The following SNX10 variants were observed in gnomAD, a reference collection of about 807,000 sequenced individuals.
The protein encoded by SNX10 is sorting nexin 10.
Under a neutral mutation model 28.5 loss-of-function variants are expected in SNX10, and 25 were observed. That is an observed-to-expected ratio of 0.88 (90% CI 0.64 to 1.22). The LOEUF (loss-of-function observed/expected upper bound fraction) is 1.22, where lower values mean the gene tolerates loss of function less well. SNX10 is among the 50% of genes most tolerant of loss of function. SNX10 has a pLI of 0.00. For missense variants in SNX10, 223 were observed against 242.6 expected, an observed-to-expected ratio of 0.92 and a Z score of 0.54; for synonymous variants, 62 against 81.4, an observed-to-expected ratio of 0.76 and a Z score of 1.28.
chr7:26,293,959 A>G (rs1786018863), intron 1 of SNX10, among the ~76,000 whole-genome samples: 1 of 152,192 alleles, frequency 6.6e-6, no homozygotes, highest in Non-Finnish European at 1.5e-5. Flanking sequence ...CAGCCCTAGG[A>G]TCACTACTTT....
chr7:26,301,369 G>T (rs1402508756), intron 1 of SNX10, among the ~76,000 whole-genome samples: 1 of 152,164 alleles, frequency 6.6e-6, no homozygotes, highest in Non-Finnish European at 1.5e-5. Context: ...AGGAAGATAG[G>T]AAAGGGAAGT....
At chr7:26,294,279 A>G (rs149913014) in intron 1 of SNX10, among the ~76,000 whole-genome samples, 72 of 152,324 alleles carry the variant, frequency 4.7e-4, no homozygotes, top group African/African-American at 1.6e-3. Flanking sequence ...AGGAAGGTAT[A>G]TAGTGTAGTG....
chr7:26,321,851 C>T (rs1787322264), intron 1 of SNX10, among the ~76,000 whole-genome samples: 1 of 152,040 alleles, frequency 6.6e-6, no homozygotes, highest in Non-Finnish European at 1.5e-5. Context: ...TCAAGATATC[C>T]TCTTGAGTCT....
chr7:26,303,131 T>G (rs1389650959), intron 1 of SNX10, among the ~76,000 whole-genome samples: 2 of 152,210 alleles, frequency 1.3e-5, no homozygotes, highest in African/African-American at 2.4e-5. Flanking sequence ...GCAGATCCCC[T>G]AAAGTCTTTG....
chr7:26,330,799 C>A (rs1025680525), intron 1 of SNX10, among the ~76,000 whole-genome samples: 1 of 152,010 alleles, frequency 6.6e-6, no homozygotes, highest in Non-Finnish European at 1.5e-5. Flanking sequence ...GCAGGAGAAT[C>A]GCTCGAGCCC....
chr7:26,346,122 G>A (rs1196176852), intron 1 of SNX10, among the ~76,000 whole-genome samples: 3 of 152,074 alleles, frequency 2.0e-5, no homozygotes, highest in Non-Finnish European at 4.4e-5. Flanking sequence ...CAGCTTCCTC[G>A]CCAATTCACT....
In SNX10 at chr7:26,358,805, G is replaced by GTTTT. The variant is rs35527687; in HGVS notation, c.25-2154_25-2151dup. On this transcript the variant is annotated intron_variant, in intron 2 of 6. Coordinates refer to ENST00000338523, the MANE Select transcript of SNX10 (RefSeq NM_013322.3). ...GAGCATCACTATAGTGTTATCTTGTGTTTTTTTTTTTTTTTTTTTGACCAA... is the reference window on the plus strand; with the variant it reads ...GAGCATCACTATAGTGTTATCTTGTGTTTTTTTTTTTTTTTTTTTTTTTGACCAA... 5.8e-4 allele frequency among the ~76,000 whole-genome samples: 58 copies of GTTTT among 100,086 alleles called. 5 individuals are homozygous for GTTTT. The highest frequency in any genetic ancestry group is 2.6e-3 in the Admixed American group (23 of 8,886). The allele number at this position is 100,086 out of a possible 152,430, so 65.7% of individuals were successfully genotyped here.
At chr7:26,357,186 C>T (rs2128018940) in intron 2 of SNX10, 2 of 234,510 alleles carry the variant, frequency 8.5e-6, no homozygotes, top group Non-Finnish European at 1.7e-5. Context: ...AAGGCAATCC[C>T]AGAGACATTA....
chr7:26,303,486 C>G (rs1196175441), intron 1 of SNX10, among the ~76,000 whole-genome samples: 2 of 152,172 alleles, frequency 1.3e-5, no homozygotes, highest in African/African-American at 4.8e-5. Context: ...CTGATGCAGT[C>G]TTTCAGGCTC....
intron 2 of SNX10, among the ~76,000 whole-genome samples, chr7:26,353,101 A>G (rs1045766246): frequency 1.3e-5 from 2 of 152,174 alleles, no homozygotes; most frequent in Non-Finnish European, 2.9e-5. Flanking sequence ...ATTATAAGTC[A>G]TGTAAAAGGC....
At chr7:26,299,476 G>A (rs915331827) in intron 1 of SNX10, among the ~76,000 whole-genome samples, 1 of 148,416 alleles carries the variant, frequency 6.7e-6, no homozygotes, top group African/African-American at 2.5e-5. Context: ...GAGCCACTGT[G>A]CCTGGCCTCT....
rs1343369293 is a variant in SNX10, at chr7:26,364,814, C to G, written c.212+179C>G. ...TTAAAATTTATCACTTAAATTTCAC[C>G]AACTTTGATGGGTATAGGCCATGAA... On this transcript the variant is annotated intron_variant, in intron 4 of 6. Transcript: ENST00000338523. This position sits in a 1 kb window ranked among gnomAD's most constrained non-coding sequence, Gnocchi z 4.9. Among the ~76,000 whole-genome samples, 2 of 152,008 alleles carry G rather than the reference C, an allele frequency of 1.3e-5. No homozygotes were observed. Among genetic ancestry groups the G allele is most frequent in the African/African-American group, 4.8e-5 (2 of 41,366 alleles).
chr7:26,360,752 G>T lies in SNX10; in HGVS notation c.25-223G>T, dbSNP rs935581663. The T allele has an allele frequency of 5.9e-6, 7 of 1,179,492 alleles. No individual in the cohort carries two copies. In the Middle Eastern group the frequency reaches 9.2e-4, roughly 155 times the overall value. The allele number at this position is 1,179,492 out of a possible 1,614,324, so 73.1% of individuals were successfully genotyped here. The stretch of plus-strand genomic sequence containing the variant: ...ACTATCCAGAAGTGCTCCCACCTCA[G>T]TGTTGCATTATTTTAAAAATTCCAT... On this transcript the variant is annotated intron_variant, in intron 2 of 6. Coordinates refer to ENST00000338523, the MANE Select transcript of SNX10 (RefSeq NM_013322.3).
At chr7:26,337,297 G>A (rs181523082) in intron 1 of SNX10, among the ~76,000 whole-genome samples, 22 of 152,060 alleles carry the variant, frequency 1.4e-4, no homozygotes, top group African/African-American at 4.6e-4. Flanking sequence ...TTTTTCACAT[G>A]GTCTACACCA....
At chr7:26,357,443 C>A (rs1424780345) in intron 2 of SNX10, among the ~76,000 whole-genome samples, 1 of 151,510 alleles carries the variant, frequency 6.6e-6, no homozygotes, top group African/African-American at 2.4e-5. Context: ...TATGCTTAGC[C>A]TTTGAAGATA....
intron 1 of SNX10, among the ~76,000 whole-genome samples, chr7:26,309,176 A>G (rs1172413701): frequency 6.6e-6 from 1 of 151,980 alleles, no homozygotes; most frequent in Non-Finnish European, 1.5e-5. Context: ...TGCCTGTCCT[A>G]ATGCGAGCAT....
intron 1 of SNX10, among the ~76,000 whole-genome samples, chr7:26,323,778 G>A (rs1787395543): frequency 6.6e-6 from 1 of 152,160 alleles, no homozygotes; most frequent in Admixed American, 6.6e-5. Flanking sequence ...GATGCATGGT[G>A]GTAACCAGGA....
intron 1 of SNX10, among the ~76,000 whole-genome samples, chr7:26,317,467 G>A (rs1439190260): frequency 1.3e-5 from 2 of 152,078 alleles, no homozygotes; most frequent in East Asian, 1.9e-4. Context: ...GCACAAGGCC[G>A]ATACATAGTC....
chr7:26,307,700 C>G (rs1333159134), intron 1 of SNX10, among the ~76,000 whole-genome samples: 1 of 146,384 alleles, frequency 6.8e-6, no homozygotes, highest in Non-Finnish European at 1.5e-5. Flanking sequence ...TTTTAATAGT[C>G]TTTATTTTTT....
Sources: gnomAD v4.1 joint callset for allele counts (sites outside exome capture counted in the v4.1 genomes callset) on GRCh38, gnomAD v4.1.1 for gene constraint, Gnocchi (gnomAD v3.1) non-coding constraint, MANE v1.5 for transcripts, NCBI Gene and HGNC (gene_info 2026-07-23, HGNC 2026-07-21) for gene names.